CDC42BPA: variants seen among roughly 807,000 people sequenced by gnomAD.
CDC42BPA encodes serine/threonine-protein kinase MRCK alpha.
CDC42BPA carries 80 observed loss-of-function variants against 223.5 expected under a neutral mutation model. That is an observed-to-expected ratio of 0.36 (90% CI 0.30 to 0.43). The LOEUF (loss-of-function observed/expected upper bound fraction) is 0.43. Ranked by LOEUF, CDC42BPA falls within the 20% of genes least tolerant of loss-of-function variation. CDC42BPA has a pLI of 1.00. For missense variants in CDC42BPA, 1,743 were observed against 2,099.9 expected (o/e 0.83, Z 3.32); for synonymous variants, 694 against 718.6 (o/e 0.97, Z 0.55).
At chr1:227,103,339 A>G (rs1305179959) in intron 14 of CDC42BPA, among the ~76,000 whole-genome samples, 2 of 152,114 alleles carry the variant, frequency 1.3e-5, no homozygotes, top group African/African-American at 2.4e-5. Context: ...AGCAATAAAC[A>G]TAACAAAAAT....
intron 14 of CDC42BPA, among the ~76,000 whole-genome samples, chr1:227,106,229 T>TTA (rs1001444314): frequency 6.6e-6 from 1 of 152,156 alleles, no homozygotes; most frequent in African/African-American, 2.4e-5. Flanking sequence ...TATTGACCAT[T>TTA]TATATATATC....
intron 3 of CDC42BPA, among the ~76,000 whole-genome samples, chr1:227,207,356 TTTTTC>T (rs1672954179): frequency 1.6e-5 from 2 of 123,550 alleles, no homozygotes; most frequent in African/African-American, 5.4e-5. Context: ...TTCATCTTTT[TTTTTC>T]TTTTTCTTTT....
At chr1:227,153,137 T>C (rs1211379452) in intron 6 of CDC42BPA, among the ~76,000 whole-genome samples, 1 of 151,476 alleles carries the variant, frequency 6.6e-6, no homozygotes, top group African/African-American at 2.4e-5. Context: ...AACGAATAAA[T>C]AGATCAGAGA....
At chr1:227,187,995 A>G (rs1378610759) in intron 5 of CDC42BPA, among the ~76,000 whole-genome samples, 1 of 152,074 alleles carries the variant, frequency 6.6e-6, no homozygotes, top group Non-Finnish European at 1.5e-5. Flanking sequence ...GGAAAACTAT[A>G]TTTCAGGAAA....
At chr1:227,193,636 C>G (rs1472402776) in intron 5 of CDC42BPA, 150 bp downstream of exon 5, 3 of 609,098 alleles carry the variant, frequency 4.9e-6, no homozygotes, top group South Asian at 3.1e-5. Context: ...AACAACAAAG[C>G]AAAACAACCA....
intron 5 of CDC42BPA, among the ~76,000 whole-genome samples, chr1:227,181,306 A>AT (rs2150041052): frequency 6.6e-6 from 1 of 152,346 alleles, no homozygotes; most frequent in South Asian, 2.1e-4. Flanking sequence ...AAAGATGGAC[A>AT]TATTTTCATA....
intron 2 of CDC42BPA, among the ~76,000 whole-genome samples, chr1:227,244,490 A>G (rs113593635): frequency 0.09 from 8,251 of 92,036 alleles, 751 homozygotes; most frequent in African/African-American, 0.26. Flanking sequence ...GATTATTCAC[A>G]TGGTGGGGGG....
intron 5 of CDC42BPA, among the ~76,000 whole-genome samples, chr1:227,190,217 T>G (rs7546494): frequency 0.68 from 103,793 of 152,028 alleles, 35,670 homozygotes; most frequent in South Asian, 0.73. Context: ...TCAAAGCCCC[T>G]CCATTAAAGT....
chr1:227,230,304 T>C (rs1677604940), intron 2 of CDC42BPA, among the ~76,000 whole-genome samples: 1 of 152,228 alleles, frequency 6.6e-6, no homozygotes, highest in Admixed American at 6.5e-5. Flanking sequence ...TGGTGTAATA[T>C]AAGCAAAAGT....
At chr1:227,300,857 A>G (rs1301873963) in intron 1 of CDC42BPA, among the ~76,000 whole-genome samples, 1 of 152,248 alleles carries the variant, frequency 6.6e-6, no homozygotes, top group Admixed American at 6.5e-5. Context: ...ATTTCTTTGC[A>G]TTTACAAGTA....
chr1:227,010,934 C>T, intron 34 of CDC42BPA: 1 of 1,365,176 alleles, frequency 7.3e-7, no homozygotes, highest in Non-Finnish European at 9.8e-7. Flanking sequence ...GGGGAATATT[C>T]AGGGTTTATG....
intron 3 of CDC42BPA, among the ~76,000 whole-genome samples, chr1:227,205,805 T>G (rs6426595): frequency 0.026 from 3,953 of 152,080 alleles, 74 homozygotes; most frequent in Non-Finnish European, 0.041. Context: ...TCCCAGCACT[T>G]TGGGAGGCTG....
chr1:227,138,241 C>A (rs1344940614), intron 10 of CDC42BPA, among the ~76,000 whole-genome samples: 1 of 151,884 alleles, frequency 6.6e-6, no homozygotes, highest in Non-Finnish European at 1.5e-5. Flanking sequence ...TAAATACATT[C>A]CTTCATTCAC....
intron 5 of CDC42BPA, among the ~76,000 whole-genome samples, chr1:227,189,676 C>T (rs1669392960): frequency 6.6e-6 from 1 of 152,128 alleles, no homozygotes; most frequent in African/African-American, 2.4e-5. Flanking sequence ...GTACCATTTG[C>T]TATTTTCCAT....
chr1:227,068,954 A>G (rs948955196), intron 21 of CDC42BPA: 1 of 155,440 alleles, frequency 6.4e-6, no homozygotes, highest in Non-Finnish European at 1.4e-5. Flanking sequence ...AAAATGTAAT[A>G]AAATGAAGCT....
chr1:227,053,284 A>G (rs1673908248), intron 21 of CDC42BPA, among the ~76,000 whole-genome samples: 1 of 152,160 alleles, frequency 6.6e-6, no homozygotes, highest in African/African-American at 2.4e-5. Flanking sequence ...GGGAAACACT[A>G]TCGTGCCCTC....
chr1:227,238,424 T>C (rs1485416749), intron 2 of CDC42BPA, among the ~76,000 whole-genome samples: 1 of 152,086 alleles, frequency 6.6e-6, no homozygotes, highest in Non-Finnish European at 1.5e-5. Flanking sequence ...ATCTGGTCCA[T>C]TACCTGTTTT....
At position 227,004,992 on chromosome 1, in the gene CDC42BPA, AC is replaced by A; in HGVS notation, c.4975+1del. ...GCACCTTCCTGTAGCCCCGGCACTT[AC>A]TTGCTGACAAGCCACTGCTAGCACT... On this transcript the variant is annotated splice_donor_variant, in intron 35 of 36. Coordinates refer to ENST00000366766, the MANE Select transcript of CDC42BPA (RefSeq NM_001394014.1). LOFTEE classifies it high-confidence loss of function. 6.2e-7 allele frequency: 1 copy of A among 1,606,222 alleles called. No individual in the cohort carries two copies. The highest frequency in any genetic ancestry group is 8.5e-7 in the Non-Finnish European group (1 of 1,172,834).
rs1007146275 is a variant in CDC42BPA at position 227,294,724 on chromosome 1, G to C, written c.178+22281C>G. Among the ~76,000 whole-genome samples, 27 of 118,232 alleles carry C rather than the reference G, an allele frequency of 2.3e-4. 6 individuals carry two copies. The highest frequency in any genetic ancestry group is 3.9e-4 in the Non-Finnish European group (22 of 56,830). 77.6% of individuals were successfully genotyped at this position (118,232 alleles called of 152,430 possible). A position where few individuals can be genotyped will look rare whatever the true frequency, so the allele number is the denominator to read the frequency against. On this transcript the variant is annotated intron_variant, in intron 1 of 36. Transcript: ENST00000366766. ...AAATACAAAAAATTAGCCGGGCGTG[G>C]TAGCGGGCGCCTGTAGTCCCAGCTA...
Sources: allele counts gnomAD v4.1 joint callset (sites outside exome capture counted in the v4.1 genomes callset), GRCh38; gene constraint gnomAD v4.1.1; transcripts MANE v1.5; gene names NCBI Gene and HGNC (gene_info 2026-07-23, HGNC 2026-07-21).